Variants in ATP6V0D1 observed in about 807,000 individuals in gnomAD.
ATP6V0D1 encodes the protein ATPase H+ transporting V0 subunit d1, also known as V-type proton ATPase subunit d 1.
Under a neutral mutation model 39.0 loss-of-function variants are expected in ATP6V0D1, and 13 were observed. The observed-to-expected ratio is 0.33, with a 90% CI of 0.22 to 0.53. ATP6V0D1 has a LOEUF of 0.53. ATP6V0D1 is among the 20% of genes least tolerant of loss of function. The probability of loss-of-function intolerance (pLI) is 0.94; values close to 1 mark genes in which losing one functional copy is unlikely to be tolerated. For missense variants in ATP6V0D1, 272 were observed against 470.9 expected, an observed-to-expected ratio of 0.58 and a Z score of 3.91; for synonymous variants, 191 against 191.2, an observed-to-expected ratio of 1.00 and a Z score of 0.01.
intron 4 of ATP6V0D1, among the ~76,000 whole-genome samples, chr16:67,442,378 C>T (rs1351256398): frequency 6.6e-6 from 1 of 152,172 alleles, no homozygotes; most frequent in Non-Finnish European, 1.5e-5. Flanking sequence ...GGGGTCCTGG[C>T]GCTATAGCTC....
rs2041204046 is a variant in ATP6V0D1, at chr16:67,453,452, A to G, written c.302+92T>C. The G allele has an allele frequency of 6.1e-6, 9 of 1,470,670 alleles. No homozygotes were observed. Among genetic ancestry groups the G allele is most frequent in the Non-Finnish European group, 8.4e-6 (9 of 1,072,932 alleles). The allele number at this position is 1,470,670 out of a possible 1,614,324, so 91.1% of individuals were successfully genotyped here. ...GCTCTGACAGCTGACACAGGCACGAAGGCAGCTAGCCTAAGCCACACTGAA... is the reference window on the plus strand; with the variant it reads ...GCTCTGACAGCTGACACAGGCACGAGGGCAGCTAGCCTAAGCCACACTGAA... On this transcript the variant is annotated intron_variant, in intron 2 of 7. Transcript: ENST00000290949. This position sits in a 1 kb window ranked among gnomAD's most constrained non-coding sequence, Gnocchi z 4.1.
chr16:67,457,631 C>T, intron 1 of ATP6V0D1: 1 of 1,289,452 alleles, frequency 7.8e-7, no homozygotes. Context: ...CCTCTGGCAT[C>T]CCTTGTGGCA....
chr16:67,439,271 C>G lies in ATP6V0D1; in HGVS notation c.639+3G>C, dbSNP rs2041017876. The G allele has an allele frequency of 6.2e-7, 1 of 1,614,014 alleles. No homozygotes were observed. Among genetic ancestry groups the G allele is most frequent in the African/African-American group, 1.3e-5 (1 of 74,932 alleles). ...GCAGGCAGGAGGGCGGGCAGGCACT[C>G]ACCTCCAGGATGGGGCACATGGCAT... is the stretch of plus-strand genomic sequence containing the variant. On this transcript the variant is annotated splice_donor_region_variant and intron_variant, in intron 5 of 7. Transcript: ENST00000290949.
chr16:67,451,551 G>T (rs1424904465), intron 2 of ATP6V0D1, among the ~76,000 whole-genome samples: 1 of 152,210 alleles, frequency 6.6e-6, no homozygotes, highest in East Asian at 1.9e-4. Flanking sequence ...CATCAGTGGG[G>T]ATGGCTGAAG....
At position 67,450,796 on chromosome 16, in the gene ATP6V0D1, G is replaced by A. The variant is rs913696346; in HGVS notation, c.302+2748C>T. Among the ~76,000 whole-genome samples, 6 of 152,200 alleles carry A rather than the reference G, an allele frequency of 3.9e-5. No individual in the cohort carries two copies. In the East Asian group the frequency reaches 5.8e-4, roughly 15 times the overall value. On this transcript the variant is annotated intron_variant, in intron 2 of 7. Transcript: ENST00000290949. The stretch of plus-strand genomic sequence containing the variant: ...TGCCTGCACAGACAGGAATGCAAAT[G>A]AGTGGCCACTCAGCATCCAGGGAGT...
chr16:67,440,022 A>C (rs190328837), intron 4 of ATP6V0D1: 3 of 152,446 alleles, frequency 2.0e-5, no homozygotes, highest in Admixed American at 2.0e-4. Context: ...CGTCTCAGAA[A>C]AGAATAAAAA....
intron 1 of ATP6V0D1, among the ~76,000 whole-genome samples, chr16:67,465,739 T>C (rs1233492318): frequency 1.3e-5 from 2 of 152,044 alleles, no homozygotes. Context: ...CCCAGGAAGA[T>C]AGGGCACAGG....
intron 1 of ATP6V0D1, among the ~76,000 whole-genome samples, chr16:67,466,326 TACACACACAC>T (rs536624557): frequency 0.022 from 2,697 of 120,566 alleles, 43 homozygotes; most frequent in East Asian, 0.097. Flanking sequence ...AGTAAACACA[TACACACACAC>T]ACACACACAC....
chr16:67,455,892 T>C (rs949863288), intron 1 of ATP6V0D1: 2 of 152,240 alleles, frequency 1.3e-5, no homozygotes, highest in African/African-American at 4.8e-5. Context: ...TTAACTGTAA[T>C]TGATGGTCAT....
At position 67,439,148 on chromosome 16, in the gene ATP6V0D1, CTG is replaced by C. The variant is rs757060570; in HGVS notation, c.640-3_640-2del. 1.2e-6 allele frequency: 2 copies of C among 1,613,856 alleles called. No individual in the cohort carries two copies. The highest frequency in any genetic ancestry group is 1.7e-6 in the Non-Finnish European group (2 of 1,179,830). On this transcript the variant is annotated splice_acceptor_variant and splice_polypyrimidine_tract_variant and intron_variant, in intron 5 of 7. Coordinates refer to ENST00000290949, the MANE Select transcript of ATP6V0D1 (RefSeq NM_004691.5). LOFTEE classifies it high-confidence loss of function. ...TGAAGGCGCGGCGGTCTGCTTCAAACTGTGGAGCCAGTGCACAGGTAAGAAGA... is the reference window on the plus strand; with the variant it reads ...TGAAGGCGCGGCGGTCTGCTTCAAACTGGAGCCAGTGCACAGGTAAGAAGA...
At chr16:67,440,525 T>C (rs904955632) in intron 4 of ATP6V0D1, 1 of 152,260 alleles carries the variant, frequency 6.6e-6, no homozygotes, top group African/African-American at 2.4e-5. Context: ...AGACCCTGGC[T>C]CCACAGGCTA....
At chr16:67,442,673 A>C (rs935419350) in intron 4 of ATP6V0D1, among the ~76,000 whole-genome samples, 1 of 151,916 alleles carries the variant, frequency 6.6e-6, no homozygotes, top group Admixed American at 6.6e-5. Flanking sequence ...GGACCTAGCT[A>C]TGCCTCGCCA....
intron 2 of ATP6V0D1, chr16:67,445,961 G>C (rs1376966529): frequency 2.2e-6 from 1 of 455,886 alleles, no homozygotes; most frequent in South Asian, 1.5e-5. Flanking sequence ...GTCAAGGTGA[G>C]GCACCTATGG....
At chr16:67,470,931 C>T (rs1247227067) in intron 1 of ATP6V0D1, among the ~76,000 whole-genome samples, 2 of 152,192 alleles carry the variant, frequency 1.3e-5, no homozygotes, top group African/African-American at 2.4e-5. Flanking sequence ...TTCATCCCCC[C>T]TCATTCCACT....
At position 67,481,135 on chromosome 16, in the gene ATP6V0D1, A is replaced by C; in HGVS notation, c.-49T>G. ...CGGAGAACCAGGACCGGCCGGCACG[A>C]ATCGCGACTCCCCAGGTCAGCTGAC... On this transcript the variant is annotated 5_prime_UTR_variant, in exon 1 of 8. The change creates a new upstream start codon in the 5' untranslated region. Coordinates refer to ENST00000290949, the MANE Select transcript of ATP6V0D1 (RefSeq NM_004691.5). 6.2e-7 allele frequency: 1 copy of C among 1,610,224 alleles called. No homozygotes were observed. The highest frequency in any genetic ancestry group is 8.5e-7 in the Non-Finnish European group (1 of 1,177,548).
intron 1 of ATP6V0D1, among the ~76,000 whole-genome samples, chr16:67,476,221 C>CAA (rs34393931): frequency 4.8e-5 from 6 of 126,112 alleles, no homozygotes; most frequent in Admixed American, 8.2e-5. Flanking sequence ...GATTCCATTC[C>CAA]AAAAAAAAAA....
intron 2 of ATP6V0D1, among the ~76,000 whole-genome samples, chr16:67,451,068 G>A (rs2041174211): frequency 6.6e-6 from 1 of 152,208 alleles, no homozygotes; most frequent in Non-Finnish European, 1.5e-5. Flanking sequence ...GTGCTGAGTA[G>A]GTAGAGCCAG....
chr16:67,461,916 A>G (rs920733821), intron 1 of ATP6V0D1, among the ~76,000 whole-genome samples: 1 of 152,164 alleles, frequency 6.6e-6, no homozygotes, highest in African/African-American at 2.4e-5. Context: ...GCAGAGACAC[A>G]TTTAATTACC....
At chr16:67,472,730 C>G (rs774251640) in intron 1 of ATP6V0D1, among the ~76,000 whole-genome samples, 2 of 152,014 alleles carry the variant, frequency 1.3e-5, no homozygotes, top group Admixed American at 6.6e-5. Context: ...ATTTGCCGGG[C>G]GTGGTGGCGG....
Sources: allele counts gnomAD v4.1 joint callset (sites outside exome capture counted in the v4.1 genomes callset), GRCh38; gene constraint gnomAD v4.1.1; non-coding constraint Gnocchi (gnomAD v3.1); transcripts MANE v1.5; gene names NCBI Gene and HGNC (gene_info 2026-07-23, HGNC 2026-07-21).